The following ZNF106 variants were observed in gnomAD, a reference collection of about 807,000 sequenced individuals.
The protein encoded by ZNF106 is SH3-domain binding protein 3.
In ZNF106, 67 loss-of-function variants were observed where a neutral mutation model predicts 195.1. The observed-to-expected ratio is 0.34, with a 90% CI of 0.28 to 0.42. The LOEUF (loss-of-function observed/expected upper bound fraction) is 0.42. Ranked by LOEUF, ZNF106 falls within the 10% of genes least tolerant of loss-of-function variation. The pLI is 1.00. For missense variants in ZNF106, 2,118 were observed against 2,304.5 expected, an observed-to-expected ratio of 0.92 and a Z score of 1.66; for synonymous variants, 784 against 818.6, an observed-to-expected ratio of 0.96 and a Z score of 0.72.
intron 1 of ZNF106, among the ~76,000 whole-genome samples, chr15:42,475,499 A>G (rs1444709910): frequency 1.3e-5 from 2 of 152,198 alleles, no homozygotes; most frequent in Non-Finnish European, 2.9e-5. Flanking sequence ...TCGGGTAAAA[A>G]TATGGACATT....
chr15:42,430,581 C>T (rs1030561764), intron 14 of ZNF106, among the ~76,000 whole-genome samples: 3 of 151,768 alleles, frequency 2.0e-5, no homozygotes, highest in Middle Eastern at 3.2e-3. Flanking sequence ...GATGAGGTCT[C>T]GCCATGTTGC....
chr15:42,451,150 A>G lies in ZNF106; in HGVS notation c.1122T>C (p.Pro374=). 1 of 1,614,160 alleles carries G rather than the reference A, an allele frequency of 6.2e-7. No homozygotes were observed. The highest frequency in any genetic ancestry group is 8.5e-7 in the Non-Finnish European group (1 of 1,180,028). Residue 374 remains proline (P), a synonymous_variant, in exon 5 of 22, where the codon CCT becomes CCC. Transcript: ENST00000564754. ...AAREKPRRWT[P]YPSQKTLDLQ... ...AATCCAGAGTCTTCTGAGAAGGGTA[A>G]GGCGTCCAGCGACGAGGCTTTTCCC...
intron 14 of ZNF106, among the ~76,000 whole-genome samples, chr15:42,428,473 T>TA (rs1465863463): frequency 1.3e-5 from 2 of 152,166 alleles, no homozygotes; most frequent in Non-Finnish European, 2.9e-5. Context: ...TTTTGACATC[T>TA]AAAGAGGAAA....
At chr15:42,421,154 A>G in intron 19 of ZNF106, 22 bp from the exon 20 acceptor site, 1 of 1,608,506 alleles carries the variant, frequency 6.2e-7, no homozygotes, top group South Asian at 1.1e-5. Context: ...GAGGTTTATA[A>G]TATCAGACCA....
In ZNF106 at chr15:42,439,483, G is replaced by A. The variant is rs1215652130; in HGVS notation, c.4094C>T (p.Thr1365Ile). 1 of 1,614,134 alleles carries A rather than the reference G, an allele frequency of 6.2e-7. No homozygotes were observed. Among genetic ancestry groups the A allele is most frequent in the Non-Finnish European group, 8.5e-7 (1 of 1,180,028 alleles). ...QPEQQAESTL[T>I]SAETRGSKKK... Reference sequence around the variant, plus strand: ...CTTGCTTCCCCTAGTCTCAGCTGATGTCAAAGTGGATTCTGCCTGTTGTTC... The same window carrying A: ...CTTGCTTCCCCTAGTCTCAGCTGATATCAAAGTGGATTCTGCCTGTTGTTC... Residue 1365 changes from threonine (T) to isoleucine (I), a missense_variant, in exon 11 of 22, where the codon ACA becomes ATA. Physicochemically the swap from Thr to Ile is moderately conservative, Grantham distance 89. Transcript: ENST00000564754.
chr15:42,478,086 C>T (rs567857738), intron 1 of ZNF106, among the ~76,000 whole-genome samples: 2 of 148,430 alleles, frequency 1.3e-5, no homozygotes, highest in African/African-American at 2.5e-5. Flanking sequence ...CCTGAAACTA[C>T]GTCTCAAAAA....
intron 10 of ZNF106, 21 bp from the exon 11 acceptor site, chr15:42,439,834 T>C (rs955960942): frequency 6.7e-7 from 1 of 1,497,360 alleles, no homozygotes; most frequent in African/African-American, 1.4e-5. Context: ...AGGAAAAAAA[T>C]TATTGCATCC....
Position 42,439,605 on chromosome 15 carries a change from A to G in ZNF106, c.3972T>C (p.Asn1324=), listed in dbSNP as rs779463253. ...NKEGEEPTKG[N]SGSEACTSSF... Reference sequence around the variant, plus strand: ...AACTGGTACAGGCTTCAGACCCACTATTGCCTTTGGTTGGCTCTTCCCCTT... The same window carrying G: ...AACTGGTACAGGCTTCAGACCCACTGTTGCCTTTGGTTGGCTCTTCCCCTT... Residue 1324 remains asparagine (N), a synonymous_variant, in exon 11 of 22, where the codon AAT becomes AAC. Transcript: ENST00000564754. The G allele has an allele frequency of 9.9e-6, 16 of 1,613,910 alleles. No homozygotes were observed. The highest frequency in any genetic ancestry group is 1.3e-5 in the African/African-American group (1 of 74,916).
intron 7 of ZNF106, 108 bp from the exon 8 acceptor site, chr15:42,445,089 T>A: frequency 7.7e-7 from 1 of 1,294,054 alleles, no homozygotes. Flanking sequence ...CTTTATGTTC[T>A]CCTCAGTAGG....
At chr15:42,455,319 T>C (rs2141373009) in intron 4 of ZNF106, among the ~76,000 whole-genome samples, 1 of 152,306 alleles carries the variant, frequency 6.6e-6, no homozygotes, top group South Asian at 2.1e-4. Context: ...ATAAAATTCA[T>C]TTATGTTTCA....
intron 8 of ZNF106, 78 bp downstream of exon 8, chr15:42,444,749 C>T: frequency 6.4e-7 from 1 of 1,570,016 alleles, no homozygotes; most frequent in Non-Finnish European, 8.6e-7. Context: ...TTTGGGGTGA[C>T]TCCAGACATG....
intron 18 of ZNF106, 40 bp downstream of exon 18, chr15:42,422,461 C>A: frequency 2.5e-6 from 4 of 1,602,614 alleles, no homozygotes; most frequent in Non-Finnish European, 3.4e-6. Flanking sequence ...TAGACAATCT[C>A]CCCAAATCAT....
Position 42,442,096 on chromosome 15 carries a change from G to C in ZNF106, c.3740C>G (p.Ser1247Cys). 1 of 1,612,986 alleles carries C rather than the reference G, an allele frequency of 6.2e-7. No homozygotes were observed. The highest frequency in any genetic ancestry group is 1.3e-5 in the African/African-American group (1 of 74,904). The stretch of plus-strand genomic sequence containing the variant: ...ACTATTAGCTTCCAGTAATTCCTTG[G>C]ACACATTGCAGGCAGAGCTTGGTGG... ...AVPPSSACNV[S>C]KELLEANREI... Residue 1247 changes from serine (S) to cysteine (C), a missense_variant, in exon 10 of 22, where the codon TCC (serine) becomes TGC (cysteine). By Grantham distance (112) the Ser-to-Cys change is moderately radical. Transcript: ENST00000564754.
At chr15:42,454,764 C>T (rs953029105) in intron 4 of ZNF106, among the ~76,000 whole-genome samples, 1 of 151,184 alleles carries the variant, frequency 6.6e-6, no homozygotes, top group African/African-American at 2.4e-5. Flanking sequence ...CGCATGGTGG[C>T]GATGCATGCC....
chr15:42,448,507 G>A lies in ZNF106; in HGVS notation c.2700C>T (p.Phe900=). The change falls in exon 6 of 22, where the codon TTC becomes TTT. Residue 900 remains phenylalanine (F), a synonymous_variant. Coordinates refer to ENST00000564754, the MANE Select transcript of ZNF106 (RefSeq NM_001366845.3). ...MDRAPSVYSF[F]SEEGTGKENE... ...TTTCTTTGCCTGTACCTTCCTCACT[G>A]AAGAAGCTATACACAGAAGGAGCTC... 1 of 1,614,078 alleles carries A rather than the reference G, an allele frequency of 6.2e-7. No individual in the cohort carries two copies. Among genetic ancestry groups the A allele is most frequent in the East Asian group, 2.2e-5 (1 of 44,866 alleles).
chr15:42,455,793 A>T (rs1336795503), intron 4 of ZNF106, among the ~76,000 whole-genome samples: 1 of 152,194 alleles, frequency 6.6e-6, no homozygotes, highest in African/African-American at 2.4e-5. Flanking sequence ...AGAATCTTTA[A>T]ATTTTTATTT....
Position 42,450,380 on chromosome 15 carries a change from C to T in ZNF106, c.1892G>A (p.Gly631Asp), listed in dbSNP as rs2055956813. Residue 631 changes from glycine (G) to aspartate (D), a missense_variant, in exon 5 of 22, where the codon GGT becomes GAT. Gly to Asp is a moderately conservative substitution (Grantham distance 94). Coordinates refer to ENST00000564754, the MANE Select transcript of ZNF106 (RefSeq NM_001366845.3). ...EKHGTKIGTLGSATTELLSGS... is the reference protein window; with the variant it reads ...EKHGTKIGTLDSATTELLSGS... ...AGATAACAATTCTGTAGTTGCAGAA[C>T]CTAGGGTTCCAATTTTTGTTCCATG... The T allele has an allele frequency of 1.2e-6, 2 of 1,614,166 alleles. No homozygotes were observed. The highest frequency in any genetic ancestry group is 1.7e-6 in the Non-Finnish European group (2 of 1,180,044).
chr15:42,438,473 C>G (rs2055369943), intron 12 of ZNF106, 139 bp downstream of exon 12: 1 of 711,180 alleles, frequency 1.4e-6, no homozygotes, highest in African/African-American at 1.8e-5. Flanking sequence ...AACTGTTGAT[C>G]AAGGCAATCC....
At chr15:42,487,857 CA>C (rs1309124855) in intron 1 of ZNF106, among the ~76,000 whole-genome samples, 2 of 152,158 alleles carry the variant, frequency 1.3e-5, no homozygotes, top group African/African-American at 4.8e-5. Flanking sequence ...GACTATCCTC[CA>C]CAGAGGATAT....
Sources: gnomAD v4.1 joint callset for allele counts (sites outside exome capture counted in the v4.1 genomes callset) on GRCh38, gnomAD v4.1.1 for gene constraint, MANE v1.5 for transcripts, NCBI Gene and HGNC (gene_info 2026-07-23, HGNC 2026-07-21) for gene names.